The following MBNL2 variants were observed in gnomAD, a reference collection of about 807,000 sequenced individuals.
The protein encoded by MBNL2 is muscleblind-like protein 2.
Under a neutral mutation model 41.9 loss-of-function variants are expected in MBNL2, and 17 were observed. That is an observed-to-expected ratio of 0.41 (90% CI 0.28 to 0.61). MBNL2 has a LOEUF of 0.61. MBNL2 is among the 20% of genes least tolerant of loss of function. MBNL2 has a pLI of 0.35. For synonymous variants in MBNL2, 195 were observed against 182.9 expected (o/e 1.07, Z -0.53); for missense variants, 336 against 505.6 (o/e 0.66, Z 3.22).
intron 5 of MBNL2, among the ~76,000 whole-genome samples, chr13:97,350,736 A>C (rs1348929080): frequency 1.3e-5 from 2 of 152,248 alleles, no homozygotes; most frequent in Non-Finnish European, 2.9e-5. Flanking sequence ...TCACATCTTC[A>C]GGCTCGACTT....
intron 7 of MBNL2, among the ~76,000 whole-genome samples, chr13:97,361,223 C>T (rs752747027): frequency 1.3e-5 from 2 of 151,936 alleles, no homozygotes; most frequent in Admixed American, 6.6e-5. Context: ...GTGGTGGTTA[C>T]GAAGGATATG....
intron 2 of MBNL2, among the ~76,000 whole-genome samples, chr13:97,279,511 T>C (rs964484283): frequency 5.9e-5 from 9 of 152,324 alleles, no homozygotes; most frequent in African/African-American, 2.2e-4. Flanking sequence ...AAAGGCAAGA[T>C]CTTGTGCCCA....
chr13:97,235,853 C>G (rs2043179064), intron 1 of MBNL2, among the ~76,000 whole-genome samples: 1 of 151,998 alleles, frequency 6.6e-6, no homozygotes, highest in South Asian at 2.1e-4. Flanking sequence ...CTGACGCTCC[C>G]CATCTTGCTC....
chr13:97,243,075 C>A (rs2044658006), intron 1 of MBNL2, among the ~76,000 whole-genome samples: 2 of 152,204 alleles, frequency 1.3e-5, no homozygotes, highest in Admixed American at 1.3e-4. Flanking sequence ...GCCAACCCCT[C>A]CCATATATCC....
chr13:97,364,366 A>G (rs567449993), intron 7 of MBNL2, among the ~76,000 whole-genome samples: 2 of 152,180 alleles, frequency 1.3e-5, no homozygotes, highest in Admixed American at 6.5e-5. Context: ...ACTCTGCACT[A>G]TTTTGCTCTA....
intron 8 of MBNL2, among the ~76,000 whole-genome samples, chr13:97,372,512 A>G (rs1594282255): frequency 2.0e-5 from 3 of 152,342 alleles, no homozygotes; most frequent in African/African-American, 7.2e-5. Context: ...CCTTAGGAAG[A>G]ATTTATTGGA....
intron 8 of MBNL2, among the ~76,000 whole-genome samples, chr13:97,375,308 A>G (rs2153144820): frequency 6.6e-6 from 1 of 152,310 alleles, no homozygotes; most frequent in Non-Finnish European, 1.5e-5. Context: ...TGCTAACGAT[A>G]CTTAAGAGCT....
chr13:97,158,629 A>AT, the MBNL2 span, among the ~76,000 whole-genome samples: 1 of 151,290 alleles, frequency 6.6e-6, no homozygotes, highest in Non-Finnish European at 1.5e-5. Flanking sequence ...GAACATCTTT[A>AT]TTTCTGCCTT....
At chr13:97,241,548 G>C (rs750843752) in intron 1 of MBNL2, among the ~76,000 whole-genome samples, 19 of 152,306 alleles carry the variant, frequency 1.2e-4, no homozygotes, top group Middle Eastern at 3.4e-3. Context: ...TTTTCAAAAG[G>C]CTTAGTCCTT....
the MBNL2 span, among the ~76,000 whole-genome samples, chr13:97,173,906 C>G: frequency 6.6e-6 from 1 of 152,152 alleles, no homozygotes; most frequent in African/African-American, 2.4e-5. Context: ...TTAGGGCCCT[C>G]TTCTGCATTT....
In MBNL2 at chr13:97,228,157, G is replaced by T. The variant is rs142778680; in HGVS notation, c.-605+5626G>T. Among the ~76,000 whole-genome samples the T allele has an allele frequency of 8.1e-4, 124 of 152,218 alleles. 1 individual carries two copies. Among genetic ancestry groups the T allele is most frequent in the African/African-American group, 2.9e-3 (120 of 41,530 alleles). On this transcript the variant is annotated intron_variant, in intron 1 of 8. Transcript: ENST00000679496. ...CTCATATAATTTGAACCTAAGAAGAGCAGGAGAGCCCCACAAAGTTAATAC... is the reference window on the plus strand; with the variant it reads ...CTCATATAATTTGAACCTAAGAAGATCAGGAGAGCCCCACAAAGTTAATAC...
upstream of MBNL2, among the ~76,000 whole-genome samples, chr13:97,218,229 T>C (rs2040534960): frequency 6.6e-6 from 1 of 151,740 alleles, no homozygotes; most frequent in Admixed American, 6.6e-5. Flanking sequence ...GATAGCACGG[T>C]GAAATCCCAT....
At chr13:97,219,776 G>T (rs1411635070), upstream of MBNL2, among the ~76,000 whole-genome samples, 1 of 152,202 alleles carries the variant, frequency 6.6e-6, no homozygotes, top group Non-Finnish European at 1.5e-5. Context: ...TTACACAAAG[G>T]AGTGTGGAAA....
rs57849294 is a variant in MBNL2, at chr13:97,268,073, T to TTTCC, written c.-604-7532_-604-7529dup. Among the ~76,000 whole-genome samples the TTTCC allele has an allele frequency of 0.4, 59,195 of 147,828 alleles. 14,054 individuals are homozygous for TTTCC. Among genetic ancestry groups the TTTCC allele is most frequent in the East Asian group, 0.58 (2,837 of 4,914 alleles). ...CCTAAGAGTGTGCTTTTCTTTTTTC[T>TTTCC]TTCCTTCCTTCCTTCCTTCCTTCCT... On this transcript the variant is annotated intron_variant, in intron 1 of 8. Coordinates refer to ENST00000679496, the MANE Select transcript of MBNL2 (RefSeq NM_001382683.1). This position sits in a 1 kb window ranked among gnomAD's most constrained non-coding sequence, Gnocchi z 4.6.
the MBNL2 span, among the ~76,000 whole-genome samples, chr13:97,148,326 CT>C: frequency 3.2e-4 from 48 of 148,714 alleles, no homozygotes; most frequent in African/African-American, 1.1e-3. Flanking sequence ...GAGTGCTTTT[CT>C]TTTTTTTTTC....
Position 97,346,073 on chromosome 13 carries a change from A to G in MBNL2, c.541-731A>G, listed in dbSNP as rs2061822446. On this transcript the variant is annotated intron_variant, in intron 4 of 8. Coordinates refer to ENST00000679496, the MANE Select transcript of MBNL2 (RefSeq NM_001382683.1). This position sits in a 1 kb window ranked among gnomAD's most constrained non-coding sequence, Gnocchi z 4.2. ...TAGATTTTAGATAGATCAGTAGATG[A>G]TAGATGATGGATGGCTGGATGGATA... is the stretch of plus-strand genomic sequence containing the variant. Among the ~76,000 whole-genome samples the G allele has an allele frequency of 2.6e-5, 4 of 152,144 alleles. 1 individual carries two copies. The South Asian group carries it at 8.3e-4, about 32-fold the overall frequency.
chr13:97,190,020 A>G, the MBNL2 span, among the ~76,000 whole-genome samples: 2 of 152,246 alleles, frequency 1.3e-5, no homozygotes, highest in African/African-American at 4.8e-5. Context: ...TGGGCAGAGG[A>G]GTTCAAACCA....
At chr13:97,257,356 T>TG (rs1044261549) in intron 1 of MBNL2, among the ~76,000 whole-genome samples, 1 of 152,112 alleles carries the variant, frequency 6.6e-6, no homozygotes, top group African/African-American at 2.4e-5. Context: ...GTCTTGAGGG[T>TG]GGTATCACAG....
intron 1 of MBNL2, among the ~76,000 whole-genome samples, chr13:97,243,821 C>T (rs1296782857): frequency 6.6e-6 from 1 of 152,180 alleles, no homozygotes; most frequent in East Asian, 1.9e-4. Context: ...CTATTTTGCT[C>T]ATCCTGGATA....
Sources: allele counts gnomAD v4.1 joint callset (sites outside exome capture counted in the v4.1 genomes callset), GRCh38; gene constraint gnomAD v4.1.1; non-coding constraint Gnocchi (gnomAD v3.1); transcripts MANE v1.5; gene names NCBI Gene and HGNC (gene_info 2026-07-23, HGNC 2026-07-21).